The following MAD1L1 variants were observed in gnomAD, a reference collection of about 807,000 sequenced individuals.
The protein encoded by MAD1L1 is mitotic spindle assembly checkpoint protein MAD1.
A neutral mutation model predicts 96.9 loss-of-function variants in MAD1L1; 95 were observed. The observed-to-expected ratio is 0.98, with a 90% confidence interval of 0.83 to 1.16. The LOEUF (loss-of-function observed/expected upper bound fraction) is 1.16, where lower values mean the gene tolerates loss of function less well. MAD1L1 is among the 50% of genes most tolerant of loss of function. The pLI is 0.00. For synonymous variants in MAD1L1, 473 were observed against 396.6 expected (o/e 1.19, Z -2.29); for missense variants, 1,007 against 954.4 (o/e 1.06, Z -0.73).
At chr7:2,068,130 C>A (rs1402863079) in intron 12 of MAD1L1, among the ~76,000 whole-genome samples, 2 of 152,228 alleles carry the variant, frequency 1.3e-5, no homozygotes, top group Non-Finnish European at 2.9e-5. Flanking sequence ...CATGTGAGAA[C>A]ATTTTGGAGT....
intron 17 of MAD1L1, among the ~76,000 whole-genome samples, chr7:1,909,458 G>T (rs1276551025): frequency 6.6e-6 from 1 of 152,230 alleles, no homozygotes. Flanking sequence ...GCAGCCATGG[G>T]CATGGGGCAT....
intron 10 of MAD1L1, among the ~76,000 whole-genome samples, chr7:2,156,828 A>G (rs1169319799): frequency 6.6e-6 from 1 of 151,862 alleles, no homozygotes; most frequent in East Asian, 1.9e-4. Context: ...TCTCAAAAAA[A>G]AAAAAAAAGA....
intron 12 of MAD1L1, among the ~76,000 whole-genome samples, chr7:2,020,193 CG>C (rs1001077282): frequency 1.4e-4 from 21 of 152,120 alleles, no homozygotes; most frequent in African/African-American, 5.1e-4. Flanking sequence ...GCGCCCAGCC[CG>C]GGGAGGCAGT....
intron 17 of MAD1L1, among the ~76,000 whole-genome samples, chr7:1,929,535 A>G: frequency 6.6e-6 from 1 of 152,102 alleles, no homozygotes; most frequent in East Asian, 1.9e-4. Flanking sequence ...GAAAATCACA[A>G]GGGTGTTCCT....
At chr7:2,111,406 A>G (rs1385099195) in intron 11 of MAD1L1, among the ~76,000 whole-genome samples, 1 of 152,248 alleles carries the variant, frequency 6.6e-6, no homozygotes, top group Non-Finnish European at 1.5e-5. Flanking sequence ...TGCTCTAGTC[A>G]AGGAGCGTGC....
intron 18 of MAD1L1, among the ~76,000 whole-genome samples, chr7:1,883,084 C>T (rs1331445615): frequency 1.4e-5 from 2 of 141,270 alleles, no homozygotes; most frequent in Non-Finnish European, 3.1e-5. Flanking sequence ...TACCAAACCT[C>T]GTGCCACAAA....
chr7:2,076,830 G>A (rs1000669577), intron 11 of MAD1L1, among the ~76,000 whole-genome samples: 6 of 149,854 alleles, frequency 4.0e-5, no homozygotes, highest in East Asian at 2.0e-4. Context: ...CGATGAGCCC[G>A]CAGCACGGTC....
intron 11 of MAD1L1, among the ~76,000 whole-genome samples, chr7:2,106,663 C>T (rs987852129): frequency 3.3e-5 from 5 of 152,264 alleles, no homozygotes; most frequent in Non-Finnish European, 7.3e-5. Flanking sequence ...CTCGGCCCAT[C>T]CCGCAAAAGA....
chr7:2,178,335 C>T (rs991268009), intron 10 of MAD1L1, among the ~76,000 whole-genome samples: 2 of 152,138 alleles, frequency 1.3e-5, no homozygotes, highest in Non-Finnish European at 2.9e-5. Flanking sequence ...TTGGACAAAC[C>T]GTACAACCAG....
At chr7:2,086,007 C>T (rs945114914) in intron 11 of MAD1L1, among the ~76,000 whole-genome samples, 3 of 152,156 alleles carry the variant, frequency 2.0e-5, no homozygotes. Flanking sequence ...ATGGTGAGAC[C>T]CATCACCTCC....
chr7:1,935,947 C>A (rs1420021380), intron 17 of MAD1L1, among the ~76,000 whole-genome samples: 2 of 152,208 alleles, frequency 1.3e-5, no homozygotes, highest in Admixed American at 1.3e-4. Context: ...TCCCCCAGGT[C>A]CCCCCAGAAC....
intron 10 of MAD1L1, among the ~76,000 whole-genome samples, chr7:2,185,073 A>G (rs1453301883): frequency 6.6e-6 from 1 of 152,204 alleles, no homozygotes; most frequent in Non-Finnish European, 1.5e-5. Context: ...CTGAACCTCA[A>G]AAGCACTCTG....
chr7:2,009,007 G>T (rs113691672), intron 13 of MAD1L1, among the ~76,000 whole-genome samples: 17 of 152,290 alleles, frequency 1.1e-4, no homozygotes, highest in African/African-American at 4.1e-4. Flanking sequence ...GTACGAGCAG[G>T]CCCCCAGCGC....
chr7:2,072,414 G>GC lies in MAD1L1; in HGVS notation c.1074-3077dup, dbSNP rs988628981. ...GCCCCAGGTGCAGCACTGGCCAGCGGCCCCCCTGCCCCCTCCAGGCGCTCC... is the reference window on the plus strand; with the variant it reads ...GCCCCAGGTGCAGCACTGGCCAGCGGCCCCCCCTGCCCCCTCCAGGCGCTCC... On this transcript the variant is annotated intron_variant, in intron 11 of 18. Transcript: ENST00000265854. Among the ~76,000 whole-genome samples the GC allele has an allele frequency of 4.6e-5, 7 of 152,304 alleles. No homozygotes were observed. In the South Asian group the frequency reaches 1.0e-3, roughly 23 times the overall value.
chr7:2,067,985 C>A (rs1189981189), intron 12 of MAD1L1, among the ~76,000 whole-genome samples: 1 of 152,232 alleles, frequency 6.6e-6, no homozygotes, highest in African/African-American at 2.4e-5. Flanking sequence ...CACACACTAG[C>A]AGACACGGTG....
chr7:1,911,034 A>C (rs1218266774), intron 17 of MAD1L1, among the ~76,000 whole-genome samples: 1 of 152,170 alleles, frequency 6.6e-6, no homozygotes, highest in Non-Finnish European at 1.5e-5. Flanking sequence ...GCCTGTGCCC[A>C]CAGCCCTGAT....
At chr7:2,156,344 C>T (rs1402606631) in intron 10 of MAD1L1, among the ~76,000 whole-genome samples, 1 of 152,186 alleles carries the variant, frequency 6.6e-6, no homozygotes, top group African/African-American at 2.4e-5. Context: ...GGCGTCATGA[C>T]GTCGGGCTAA....
chr7:2,048,710 G>A (rs1784041462), intron 12 of MAD1L1, among the ~76,000 whole-genome samples: 1 of 152,156 alleles, frequency 6.6e-6, no homozygotes, highest in South Asian at 2.1e-4. Flanking sequence ...GCAGAAAACC[G>A]CACTCAGCTG....
intron 10 of MAD1L1, chr7:2,210,097 G>A (rs996938432): frequency 6.6e-6 from 1 of 152,208 alleles, no homozygotes; most frequent in African/African-American, 2.4e-5. Context: ...TTTGGTTTTT[G>A]TTTTTGTTTT....
Sources: gnomAD v4.1 joint callset for allele counts (sites outside exome capture counted in the v4.1 genomes callset) on GRCh38, gnomAD v4.1.1 for gene constraint, MANE v1.5 for transcripts, NCBI Gene and HGNC (gene_info 2026-07-23, HGNC 2026-07-21) for gene names.